Variants in NAA11 observed in about 807,000 individuals in gnomAD.
The protein encoded by NAA11 is N-alpha-acetyltransferase 11.
NAA11 carries 15 observed loss-of-function variants against 16.1 expected under a neutral mutation model. That is an observed-to-expected ratio of 0.93 (90% CI 0.62 to 1.44). NAA11 has a LOEUF of 1.44. NAA11 is among the 40% of genes most tolerant of loss of function. NAA11 has a pLI of 0.00. For synonymous variants in NAA11, 122 were observed against 112.4 expected (o/e 1.09, Z -0.54); for missense variants, 298 against 291.3 (o/e 1.02, Z -0.17).
Position 79,228,991 on chromosome 4 carries a change from C to CA in NAA11, c.*123-2722dup, listed in dbSNP as rs1342196145. Among the ~76,000 whole-genome samples the CA allele has an allele frequency of 7.9e-5, 12 of 152,052 alleles. 1 individual carries two copies. Among genetic ancestry groups the CA allele is most frequent in the African/African-American group, 2.4e-4 (10 of 41,518 alleles). On this transcript the variant is annotated intron_variant and NMD_transcript_variant, in intron 2 of 2. Coordinates refer to the NAA11 transcript ENST00000511542. ...AGTCTTTTGTCAAATATATGATTCACAAATATTTTCTCCCAGTCTATGGCT... is the reference window on the plus strand; with the variant it reads ...AGTCTTTTGTCAAATATATGATTCACAAAATATTTTCTCCCAGTCTATGGCT...
At chr4:79,316,622 A>T (rs1330219574), downstream of NAA11, 1 of 152,236 alleles carries the variant, frequency 6.6e-6, no homozygotes, top group Non-Finnish European at 1.5e-5. Context: ...CAGTGAACAT[A>T]AAAACAACAT....
Position 79,307,152 on chromosome 4 carries a change from G to A in NAA11, c.*13-13038C>T, listed in dbSNP as rs564846717. 3.3e-5 allele frequency: 5 copies of A among 152,332 alleles called. No individual in the cohort carries two copies. The East Asian group carries it at 7.7e-4, about 24-fold the overall frequency. The allele number at this position is 152,332 out of a possible 1,614,324, so 9.4% of individuals were successfully genotyped here. A position where few individuals can be genotyped will look rare whatever the true frequency, so the allele number is the denominator to read the frequency against. On this transcript the variant is annotated intron_variant and NMD_transcript_variant, in intron 1 of 2. Transcript: ENST00000511542. The stretch of plus-strand genomic sequence containing the variant: ...AGTATTTATCTATATCAACTTTCAT[G>A]TTACTTCACTGGCAAATTGGGAGCT...
chr4:79,258,136 T>C (rs1057151897), intron 2 of NAA11, among the ~76,000 whole-genome samples: 3 of 152,208 alleles, frequency 2.0e-5, no homozygotes, highest in African/African-American at 7.2e-5. Context: ...GGGCAGGAGC[T>C]CCCAGGGGTC....
the NAA11 span, among the ~76,000 whole-genome samples, chr4:79,220,416 G>A: frequency 3.4e-5 from 5 of 147,986 alleles, no homozygotes; most frequent in Admixed American, 1.4e-4. Flanking sequence ...CAATGGAATA[G>A]GTTTGTGTGC....
At chr4:79,240,661 A>T (rs1325756157) in intron 2 of NAA11, among the ~76,000 whole-genome samples, 1 of 152,166 alleles carries the variant, frequency 6.6e-6, no homozygotes, top group African/African-American at 2.4e-5. Context: ...ACTGCCAACT[A>T]GTCATTTTGG....
At chr4:79,239,736 T>C (rs1445551618) in intron 2 of NAA11, among the ~76,000 whole-genome samples, 2 of 152,086 alleles carry the variant, frequency 1.3e-5, no homozygotes, top group Non-Finnish European at 2.9e-5. Flanking sequence ...CCTCTTATAA[T>C]GGACACAAAC....
At chr4:79,323,355 G>C (rs1291592303) in intron 1 of NAA11, among the ~76,000 whole-genome samples, 2 of 152,168 alleles carry the variant, frequency 1.3e-5, no homozygotes, top group African/African-American at 4.8e-5. Context: ...TTAAAACTTA[G>C]TTTCAGTGGT....
intron 2 of NAA11, among the ~76,000 whole-genome samples, chr4:79,259,856 T>G (rs1186606167): frequency 6.6e-6 from 1 of 152,236 alleles, no homozygotes; most frequent in African/African-American, 2.4e-5. Context: ...CCCTGACTTT[T>G]ATCCAAACCT....
intron 2 of NAA11, among the ~76,000 whole-genome samples, chr4:79,284,648 A>ATCATGAGG (rs1448034102): frequency 3.6e-5 from 1 of 27,686 alleles, no homozygotes; most frequent in Non-Finnish European, 6.8e-5. Context: ...AGGCGGGTGG[A>ATCATGAGG]TCATGAGGTC....
the NAA11 span, among the ~76,000 whole-genome samples, chr4:79,161,280 ATTC>A: frequency 6.6e-6 from 1 of 151,808 alleles, no homozygotes; most frequent in African/African-American, 2.4e-5. Context: ...GGTTCAAGCA[ATTC>A]TTCTGCCTCA....
chr4:79,285,542 A>T (rs966369822), intron 2 of NAA11, among the ~76,000 whole-genome samples: 1 of 152,060 alleles, frequency 6.6e-6, no homozygotes, highest in African/African-American at 2.4e-5. Flanking sequence ...AATTATGCAG[A>T]CTGACTAGAG....
chr4:79,280,090 C>G (rs1185741286), intron 2 of NAA11, among the ~76,000 whole-genome samples: 1 of 151,972 alleles, frequency 6.6e-6, no homozygotes, highest in African/African-American at 2.4e-5. Context: ...TTTTAAAGGA[C>G]CTATAATATT....
chr4:79,206,347 G>T, the NAA11 span, among the ~76,000 whole-genome samples: 4 of 152,048 alleles, frequency 2.6e-5, no homozygotes, highest in East Asian at 7.8e-4. Context: ...TATGTAAAAA[G>T]TAAAGTAGAG....
At chr4:79,240,121 T>C (rs980730302) in intron 2 of NAA11, among the ~76,000 whole-genome samples, 2 of 152,240 alleles carry the variant, frequency 1.3e-5, no homozygotes, top group African/African-American at 4.8e-5. Flanking sequence ...CTTTCCCACC[T>C]TTAATGCTTC....
At chr4:79,210,323 A>T in the NAA11 span, among the ~76,000 whole-genome samples, 1 of 152,136 alleles carries the variant, frequency 6.6e-6, no homozygotes, top group African/African-American at 2.4e-5. Flanking sequence ...CAGTGTCACG[A>T]GGTTGATCAG....
chr4:79,221,102 T>C (rs1243217764), downstream of NAA11, among the ~76,000 whole-genome samples: 4 of 152,122 alleles, frequency 2.6e-5, no homozygotes, highest in South Asian at 4.2e-4. Context: ...CCCTTGTAAG[T>C]TGGATTCCTG....
At chr4:79,269,557 T>C (rs1391713893) in intron 2 of NAA11, among the ~76,000 whole-genome samples, 1 of 150,526 alleles carries the variant, frequency 6.6e-6, no homozygotes, top group African/African-American at 2.4e-5. Context: ...TTGTTTGTTT[T>C]TTTCTTGTAA....
the NAA11 span, among the ~76,000 whole-genome samples, chr4:79,174,812 C>A: frequency 6.6e-6 from 1 of 152,092 alleles, no homozygotes; most frequent in Admixed American, 6.6e-5. Flanking sequence ...GCCAGGAACT[C>A]AAACAGACCA....
chr4:79,259,781 C>A (rs1189503229), intron 2 of NAA11, among the ~76,000 whole-genome samples: 1 of 152,176 alleles, frequency 6.6e-6, no homozygotes, highest in Admixed American at 6.5e-5. Context: ...TATTTAGTTT[C>A]CCTGAAATCA....
Sources: allele counts gnomAD v4.1 joint callset (sites outside exome capture counted in the v4.1 genomes callset), GRCh38; gene constraint gnomAD v4.1.1; transcripts MANE v1.5; gene names NCBI Gene and HGNC (gene_info 2026-07-23, HGNC 2026-07-21).